The following VPS13B variants were observed in gnomAD, a reference collection of about 807,000 sequenced individuals.
VPS13B encodes vacuolar protein sorting 13 homolog B.
Under a neutral mutation model 426.4 loss-of-function variants are expected in VPS13B, and 285 were observed. The observed-to-expected ratio is 0.67, with a 90% CI of 0.61 to 0.74. VPS13B has a LOEUF of 0.74. VPS13B is among the 30% of genes least tolerant of loss of function. The pLI is 0.00. For missense variants in VPS13B, 4,537 were observed against 4,782.6 expected (o/e 0.95, Z 1.51); for synonymous variants, 1,676 against 1,676.4 (o/e 1.00, Z 0.01).
intron 3 of VPS13B, among the ~76,000 whole-genome samples, chr8:99,080,670 CA>C: frequency 6.6e-6 from 1 of 152,230 alleles, no homozygotes; most frequent in Non-Finnish European, 1.5e-5. Context: ...TGTTTGTTTG[CA>C]TAGATATTAT....
At chr8:99,403,833 A>G (rs186513737) in intron 21 of VPS13B, among the ~76,000 whole-genome samples, 18 of 152,308 alleles carry the variant, frequency 1.2e-4, no homozygotes, top group Admixed American at 1.2e-3. Context: ...CAGGTTTAAA[A>G]CACATTACTG....
intron 54 of VPS13B, among the ~76,000 whole-genome samples, chr8:99,841,282 C>T (rs952272871): frequency 2.0e-5 from 3 of 152,102 alleles, no homozygotes; most frequent in African/African-American, 4.8e-5. Flanking sequence ...AATTGATCTC[C>T]GGGCCCCATA....
chr8:99,200,371 A>T (rs4734428), intron 17 of VPS13B, among the ~76,000 whole-genome samples: 2 of 151,862 alleles, frequency 1.3e-5, no homozygotes, highest in African/African-American at 4.8e-5. Context: ...ATTCAAGTAC[A>T]GGTTTTTTTT....
intron 15 of VPS13B, among the ~76,000 whole-genome samples, chr8:99,165,742 A>G (rs891348021): frequency 1.3e-5 from 2 of 152,154 alleles, no homozygotes; most frequent in Non-Finnish European, 2.9e-5. Flanking sequence ...AAGCACATCT[A>G]CCTTACCACC....
chr8:99,028,421 G>A (rs1842264540), intron 2 of VPS13B, among the ~76,000 whole-genome samples: 1 of 147,440 alleles, frequency 6.8e-6, no homozygotes, highest in South Asian at 2.2e-4. Flanking sequence ...CCCGGACGGG[G>A]CGGCTGGCGG....
chr8:99,343,090 T>C (rs1031182952), intron 19 of VPS13B, among the ~76,000 whole-genome samples: 2 of 151,750 alleles, frequency 1.3e-5, no homozygotes, highest in African/African-American at 4.9e-5. Context: ...ATTGCCCATT[T>C]TTCTTTCTTT....
intron 43 of VPS13B, among the ~76,000 whole-genome samples, chr8:99,787,116 A>G (rs866733245): frequency 1.3e-5 from 2 of 152,180 alleles, no homozygotes; most frequent in South Asian, 2.1e-4. Context: ...TCATAGTCTC[A>G]GGGAGGATTT....
chr8:99,824,274 A>G (rs766135014), intron 51 of VPS13B, among the ~76,000 whole-genome samples: 1 of 152,098 alleles, frequency 6.6e-6, no homozygotes, highest in Non-Finnish European at 1.5e-5. Context: ...CTAGACTCCT[A>G]CAAGCAGAGA....
chr8:99,224,243 A>G (rs558963030), intron 17 of VPS13B, among the ~76,000 whole-genome samples: 14 of 152,296 alleles, frequency 9.2e-5, no homozygotes, highest in African/African-American at 3.1e-4. Flanking sequence ...TAAAATCTTG[A>G]ATGTGTTCAT....
chr8:99,067,249 T>C (rs1372655417), intron 3 of VPS13B, among the ~76,000 whole-genome samples: 1 of 152,176 alleles, frequency 6.6e-6, no homozygotes, highest in Non-Finnish European at 1.5e-5. Flanking sequence ...AACCCAAATG[T>C]CTGTCAATGA....
rs371961155 is a variant in VPS13B, at chr8:99,511,141, A to G, written c.4262A>G (p.His1421Arg). 214 of 1,613,620 alleles carry G rather than the reference A, an allele frequency of 1.3e-4. No homozygotes were observed. Among genetic ancestry groups the G allele is most frequent in the Non-Finnish European group, 1.7e-4 (203 of 1,180,000 alleles). Residue 1421 changes from histidine to arginine, a missense_variant, in exon 29 of 62, where the codon CAT becomes CGT. Physicochemically the swap from His to Arg is conservative, Grantham distance 29. Transcript: ENST00000357162. ...TKLLDGTHQQ[H>R]GFLSLTYTKA... ...CTTCTAGATGGCACTCATCAGCAGC[A>G]TGGATTCCTCTCTCTGACATACACA... is the stretch of plus-strand genomic sequence containing the variant.
At chr8:99,423,927 G>A (rs1340427251) in intron 21 of VPS13B, among the ~76,000 whole-genome samples, 11 of 152,110 alleles carry the variant, frequency 7.2e-5, no homozygotes, top group African/African-American at 2.2e-4. Context: ...TATTAGGTCC[G>A]CTTGGTGCAC....
At chr8:99,377,534 C>T (rs1813554448) in intron 19 of VPS13B, among the ~76,000 whole-genome samples, 1 of 152,136 alleles carries the variant, frequency 6.6e-6, no homozygotes, top group Non-Finnish European at 1.5e-5. Flanking sequence ...TTAAAATCTA[C>T]TTGTTGCTGA....
intron 17 of VPS13B, among the ~76,000 whole-genome samples, chr8:99,230,643 C>T (rs1816270282): frequency 6.6e-6 from 1 of 152,188 alleles, no homozygotes; most frequent in Non-Finnish European, 1.5e-5. Flanking sequence ...CTTTAACAAT[C>T]AGTTTCCTCC....
intron 3 of VPS13B, among the ~76,000 whole-genome samples, chr8:99,085,038 A>G (rs543459699): frequency 1.3e-5 from 2 of 152,162 alleles, no homozygotes; most frequent in East Asian, 3.9e-4. Context: ...GATCTGTGTG[A>G]TGTTGACAGT....
intron 3 of VPS13B, among the ~76,000 whole-genome samples, chr8:99,095,257 A>G (rs192743204): frequency 3.3e-5 from 5 of 152,170 alleles, no homozygotes; most frequent in African/African-American, 1.2e-4. Flanking sequence ...AGTTGTTAAC[A>G]TTACCCCATT....
chr8:99,437,135 G>C (rs913391872), intron 22 of VPS13B, among the ~76,000 whole-genome samples: 8 of 152,098 alleles, frequency 5.3e-5, no homozygotes, highest in African/African-American at 1.7e-4. Flanking sequence ...TAACTTAAAG[G>C]TTTCGAATGA....
intron 61 of VPS13B, 46 bp downstream of exon 61, chr8:99,871,743 G>A: frequency 6.2e-7 from 1 of 1,611,172 alleles, no homozygotes; most frequent in East Asian, 2.2e-5. Flanking sequence ...GGCCAGGGAG[G>A]TTGAGGAGCA....
At chr8:99,202,671 G>A (rs771199600) in intron 17 of VPS13B, among the ~76,000 whole-genome samples, 9 of 152,096 alleles carry the variant, frequency 5.9e-5, no homozygotes, top group Non-Finnish European at 1.2e-4. Flanking sequence ...AACAGAAAAA[G>A]AGGGACTCCT....
Sources: gnomAD v4.1 joint callset for allele counts (sites outside exome capture counted in the v4.1 genomes callset) on GRCh38, gnomAD v4.1.1 for gene constraint, MANE v1.5 for transcripts, NCBI Gene and HGNC (gene_info 2026-07-23, HGNC 2026-07-21) for gene names.